Variants in MDGA2 observed in about 807,000 individuals in gnomAD.
The protein encoded by MDGA2 is MAM domain containing glycosylphosphatidylinositol anchor 2, also known as MAM domain-containing glycosylphosphatidylinositol anchor protein 2.
Under a neutral mutation model 117.8 loss-of-function variants are expected in MDGA2, and 40 were observed. The ratio of observed to expected loss-of-function variants is 0.34; its 90% CI spans 0.26 to 0.44. MDGA2 has a LOEUF of 0.44. Among genes scored for constraint, MDGA2 ranks in the 20% least tolerant of loss-of-function variants. The pLI, the probability that MDGA2 is intolerant of heterozygous loss-of-function variation, is 1.00. For synonymous variants in MDGA2, 452 were observed against 439.0 expected, an observed-to-expected ratio of 1.03 and a Z score of -0.37; for missense variants, 1,123 against 1,250.6, an observed-to-expected ratio of 0.90 and a Z score of 1.54.
intron 1 of MDGA2, among the ~76,000 whole-genome samples, chr14:47,538,601 C>T (rs148117895): frequency 1.2e-3 from 178 of 152,314 alleles, no homozygotes; most frequent in African/African-American, 4.2e-3. Context: ...ATCTCTAACT[C>T]TCCCTATCAG....
At chr14:47,660,096 C>T (rs575801481) in intron 1 of MDGA2, among the ~76,000 whole-genome samples, 1 of 151,968 alleles carries the variant, frequency 6.6e-6, no homozygotes, top group Admixed American at 6.6e-5. Context: ...AACAGTTATA[C>T]TACAGAATTA....
intron 14 of MDGA2, among the ~76,000 whole-genome samples, chr14:46,867,103 TG>T (rs1881799480): frequency 6.6e-6 from 1 of 152,200 alleles, no homozygotes; most frequent in Admixed American, 6.5e-5. Flanking sequence ...GTATGTTTAT[TG>T]TGGCACTTTT....
intron 2 of MDGA2, among the ~76,000 whole-genome samples, chr14:47,229,320 A>T (rs1886610639): frequency 6.6e-6 from 1 of 152,088 alleles, no homozygotes; most frequent in Non-Finnish European, 1.5e-5. Context: ...CTACCTCAAG[A>T]GAGAAGTCAT....
rs752920025 is a variant in MDGA2 at position 47,035,273 on chromosome 14, T to C, written c.1557A>G (p.Lys519=). The C allele has an allele frequency of 1.2e-6, 2 of 1,613,932 alleles. No individual in the cohort carries two copies. Among genetic ancestry groups the C allele is most frequent in the South Asian group, 1.1e-5 (1 of 91,056 alleles). ...VPPNLTVPQE[K]SPLVTREGDT... is the part of the protein sequence containing the mutation. ...CTCCTTCTCTGGTGACCAATGGTGA[T>C]TTTTCCTGTGGAACAGTCAGATTGG... Residue 519 remains lysine, a synonymous_variant, in exon 8 of 17, where the codon AAA becomes AAG. Transcript: ENST00000399232.
intron 9 of MDGA2, among the ~76,000 whole-genome samples, chr14:46,941,035 C>T (rs1229837636): frequency 1.3e-5 from 2 of 152,186 alleles, no homozygotes; most frequent in Non-Finnish European, 2.9e-5. Flanking sequence ...CACTGTGCCT[C>T]TCCAGGAATA....
chr14:46,909,621 G>A (rs554221993), intron 10 of MDGA2, among the ~76,000 whole-genome samples: 11 of 152,096 alleles, frequency 7.2e-5, no homozygotes, highest in Non-Finnish European at 1.3e-4. Flanking sequence ...ATGAGGCAAG[G>A]ATAATCAAAA....
chr14:47,329,905 T>G (rs1890246387), intron 1 of MDGA2, among the ~76,000 whole-genome samples: 1 of 151,690 alleles, frequency 6.6e-6, no homozygotes, highest in Admixed American at 6.6e-5. Context: ...TTAGCCCAAA[T>G]CATAGAATAG....
intron 1 of MDGA2, among the ~76,000 whole-genome samples, chr14:47,474,427 A>T (rs1363358511): frequency 1.3e-5 from 2 of 152,140 alleles, no homozygotes; most frequent in Non-Finnish European, 2.9e-5. Flanking sequence ...TATAGATTCA[A>T]TGCTATTCCC....
At position 47,443,556 on chromosome 14, in the gene MDGA2, T is replaced by C. The variant is rs367681335; in HGVS notation, c.281-142006A>G. 1.4e-4 allele frequency among the ~76,000 whole-genome samples: 22 copies of C among 152,304 alleles called. No homozygotes were observed. The South Asian group carries it at 2.9e-3, about 20-fold the overall frequency. ...GTATATTTACTATATAAATATTCAT[T>C]GTTCTGCATTTCACCATTGCATAAT... On this transcript the variant is annotated intron_variant, in intron 1 of 16. Transcript: ENST00000399232.
At chr14:47,045,433 C>T (rs1889222246) in intron 7 of MDGA2, among the ~76,000 whole-genome samples, 1 of 151,948 alleles carries the variant, frequency 6.6e-6, no homozygotes, top group African/African-American at 2.4e-5. Context: ...TTTTAACCTC[C>T]ATGACTTGTA....
rs767619549 is a variant in MDGA2, at chr14:47,393,860, CCTAAGGTTTTCTTGGA to C, written c.281-92326_281-92311del. ...ACTAATCATACTGGCTTACCAGGAACCTAAGGTTTTCTTGGAAAACCTTGTATTTTGACTATAAATA... is the reference window on the plus strand; with the variant it reads ...ACTAATCATACTGGCTTACCAGGAACAAACCTTGTATTTTGACTATAAATA... On this transcript the variant is annotated intron_variant, in intron 1 of 16. Transcript: ENST00000399232. 1.8e-3 allele frequency among the ~76,000 whole-genome samples: 272 copies of C among 152,204 alleles called. 2 individuals are homozygous for C. Among genetic ancestry groups the C allele is most frequent in the Middle Eastern group, 3.4e-3 (1 of 294 alleles).
chr14:47,304,467 G>A (rs1024470125), intron 1 of MDGA2, among the ~76,000 whole-genome samples: 4 of 152,026 alleles, frequency 2.6e-5, no homozygotes, highest in Admixed American at 6.6e-5. Context: ...AAAAACTATT[G>A]AGAAACCATT....
chr14:47,455,482 G>C (rs2138579740), intron 1 of MDGA2, among the ~76,000 whole-genome samples: 1 of 152,192 alleles, frequency 6.6e-6, no homozygotes. Context: ...CTCCAGCCAG[G>C]ATGACACAGC....
At chr14:47,149,650 C>A (rs1566651755) in intron 3 of MDGA2, among the ~76,000 whole-genome samples, 1 of 152,204 alleles carries the variant, frequency 6.6e-6, no homozygotes, top group Admixed American at 6.5e-5. Flanking sequence ...TCATTGTCTG[C>A]ACAGCAGTTT....
chr14:47,166,844 C>T (rs1199428304), intron 3 of MDGA2, among the ~76,000 whole-genome samples: 13 of 152,196 alleles, frequency 8.5e-5, no homozygotes, highest in Admixed American at 5.2e-4. Flanking sequence ...TTTGTACCTT[C>T]CACTGATTAC....
chr14:47,211,811 T>G (rs1885893856), intron 3 of MDGA2, among the ~76,000 whole-genome samples: 1 of 152,170 alleles, frequency 6.6e-6, no homozygotes, highest in African/African-American at 2.4e-5. Flanking sequence ...CACAATAAAC[T>G]TTTACTTCCA....
intron 7 of MDGA2, among the ~76,000 whole-genome samples, chr14:47,057,993 T>C (rs1276583348): frequency 6.6e-6 from 1 of 152,152 alleles, no homozygotes; most frequent in Non-Finnish European, 1.5e-5. Flanking sequence ...TTTACTTCCC[T>C]GAAATATTTT....
chr14:47,634,022 T>C lies in MDGA2; in HGVS notation c.280+40495A>G, dbSNP rs1958627. ...GACCAAAGTGTATGTAGCCAGTAAG[T>C]GGATCCTTTAAGAAAGAAAATAAAG... On this transcript the variant is annotated intron_variant, in intron 1 of 16. Transcript: ENST00000399232. Among the ~76,000 whole-genome samples, 2,160 of 152,256 alleles carry C rather than the reference T, an allele frequency of 0.014. 156 individuals carry two copies. In the East Asian group the frequency reaches 0.22, roughly 16 times the overall value.
At chr14:47,069,451 T>C (rs1056531403) in intron 6 of MDGA2, among the ~76,000 whole-genome samples, 13 of 152,198 alleles carry the variant, frequency 8.5e-5, no homozygotes, top group Non-Finnish European at 1.2e-4. Flanking sequence ...TTGAGTTCTA[T>C]CATTTGAACA....
Sources: allele counts gnomAD v4.1 joint callset (sites outside exome capture counted in the v4.1 genomes callset), GRCh38; gene constraint gnomAD v4.1.1; transcripts MANE v1.5; gene names NCBI Gene and HGNC (gene_info 2026-07-23, HGNC 2026-07-21).